Variants in KALRN observed in about 807,000 individuals in gnomAD.
KALRN encodes kalirin.
In KALRN, 70 loss-of-function variants were observed where a neutral mutation model predicts 353.7. The ratio of observed to expected loss-of-function variants is 0.20; its 90% CI spans 0.16 to 0.24. KALRN has a LOEUF of 0.24. KALRN is among the 10% of genes least tolerant of loss of function. The probability of loss-of-function intolerance (pLI) is 1.00; values close to 1 mark genes in which losing one functional copy is unlikely to be tolerated. For missense variants in KALRN, 2,791 were observed against 3,756.7 expected (o/e 0.74, Z 6.72); for synonymous variants, 1,391 against 1,434.8 (o/e 0.97, Z 0.69).
chr3:124,318,780 G>A (rs1217359342), intron 6 of KALRN, among the ~76,000 whole-genome samples: 1 of 152,164 alleles, frequency 6.6e-6, no homozygotes, highest in Non-Finnish European at 1.5e-5. Context: ...AAGAAAAAGG[G>A]AGCAATAAGC....
intron 1 of KALRN, among the ~76,000 whole-genome samples, chr3:124,089,087 G>GA (rs967302012): frequency 2.6e-5 from 4 of 151,056 alleles, no homozygotes; most frequent in South Asian, 2.1e-4. Flanking sequence ...GGACTAAGTA[G>GA]AAAAAAAAAT....
At chr3:124,111,585 G>T (rs1434570447) in intron 1 of KALRN, among the ~76,000 whole-genome samples, 1 of 152,172 alleles carries the variant, frequency 6.6e-6, no homozygotes, top group Non-Finnish European at 1.5e-5. Flanking sequence ...CACAGTCTGT[G>T]CTCAGGATTA....
chr3:124,592,057 C>T (rs7433484), intron 34 of KALRN, among the ~76,000 whole-genome samples: 3 of 152,078 alleles, frequency 2.0e-5, no homozygotes, highest in Admixed American at 6.6e-5. Flanking sequence ...TCCCAGCACT[C>T]TGGGACGCTG....
chr3:124,224,103 A>G (rs9876173), intron 1 of KALRN, among the ~76,000 whole-genome samples: 13,469 of 151,656 alleles, frequency 0.089, 1,455 homozygotes, highest in East Asian at 0.46. Context: ...GAAGAGGCAC[A>G]ACACCCACCA....
chr3:124,389,872 T>G (rs1216553243), intron 11 of KALRN, among the ~76,000 whole-genome samples: 1 of 152,230 alleles, frequency 6.6e-6, no homozygotes, highest in Non-Finnish European at 1.5e-5. Flanking sequence ...TCAATGATAT[T>G]TTAAATTCAT....
At chr3:124,067,978 T>G (rs2042515570) in intron 1 of KALRN, among the ~76,000 whole-genome samples, 1 of 152,252 alleles carries the variant, frequency 6.6e-6, no homozygotes, top group African/African-American at 2.4e-5. Flanking sequence ...ACGCCATAGC[T>G]CAGCTGGTTG....
rs750225681 is a variant in KALRN at position 124,388,135 on chromosome 3, T to C, written c.1962+3099T>C. 4.6e-5 allele frequency among the ~76,000 whole-genome samples: 7 copies of C among 152,250 alleles called. No homozygotes were observed. The South Asian group carries it at 1.5e-3, about 32-fold the overall frequency. ...GGTAGGTCTGATTTCCAGATCTATTTTCTTATGCTTTGTGCCTTTGGGAGA... is the reference window on the plus strand; with the variant it reads ...GGTAGGTCTGATTTCCAGATCTATTCTCTTATGCTTTGTGCCTTTGGGAGA... On this transcript the variant is annotated intron_variant, in intron 11 of 59. Transcript: ENST00000682506.
intron 52 of KALRN, among the ~76,000 whole-genome samples, 165 bp downstream of exon 52, chr3:124,693,996 C>T (rs766568015): frequency 3.3e-5 from 5 of 152,024 alleles, no homozygotes; most frequent in Admixed American, 1.3e-4. Context: ...CTAAAGCTTG[C>T]GATATGTATA....
chr3:124,509,076 T>G (rs1217988114), intron 33 of KALRN, among the ~76,000 whole-genome samples: 1 of 152,228 alleles, frequency 6.6e-6, no homozygotes, highest in Non-Finnish European at 1.5e-5. Context: ...ATGTATGTAA[T>G]ATGTTTCACC....
intron 1 of KALRN, among the ~76,000 whole-genome samples, chr3:124,226,107 A>G (rs1214233238): frequency 2.6e-5 from 4 of 152,240 alleles, no homozygotes; most frequent in Admixed American, 2.6e-4. Flanking sequence ...ATTGTTCACA[A>G]ACAAGTCATG....
intron 33 of KALRN, among the ~76,000 whole-genome samples, chr3:124,546,330 G>C (rs908647444): frequency 6.6e-6 from 1 of 150,954 alleles, no homozygotes; most frequent in Admixed American, 6.6e-5. Flanking sequence ...AGGTATAGTG[G>C]CATGTACCTT....
At chr3:124,677,885 A>G (rs749078740) in intron 49 of KALRN, among the ~76,000 whole-genome samples, 1 of 152,210 alleles carries the variant, frequency 6.6e-6, no homozygotes, top group Non-Finnish European at 1.5e-5. Context: ...CCTGTGAGGC[A>G]TCATGGGTAT....
intron 10 of KALRN, among the ~76,000 whole-genome samples, chr3:124,384,050 C>T (rs1286365199): frequency 1.3e-5 from 2 of 152,156 alleles, no homozygotes; most frequent in African/African-American, 4.8e-5. Flanking sequence ...GCTGTATCTG[C>T]GGCAAATAAT....
rs113163831 is a variant in KALRN, at chr3:124,342,228, C to T, written c.1648-4915C>T. The stretch of plus-strand genomic sequence containing the variant: ...ATAATTTTGTTATATACGTAGATTG[C>T]GTAGTGGTAAAGTCAGAGCTTTTAG... On this transcript the variant is annotated intron_variant, in intron 9 of 59. Transcript: ENST00000682506. 2.3e-3 allele frequency among the ~76,000 whole-genome samples: 350 copies of T among 151,770 alleles called. 1 individual carries two copies. Among genetic ancestry groups the T allele is most frequent in the African/African-American group, 8.2e-3 (340 of 41,314 alleles).
In KALRN at chr3:124,434,419, A is replaced by G; in HGVS notation, c.2942A>G (p.Glu981Gly). 6.2e-7 allele frequency: 1 copy of G among 1,614,200 alleles called. No homozygotes were observed. Among genetic ancestry groups the G allele is most frequent in the Non-Finnish European group, 8.5e-7 (1 of 1,180,026 alleles). The change falls in exon 17 of 60, where the codon GAA (glutamate) becomes GGA (glycine). Residue 981 changes from glutamate (E) to glycine (G), a missense_variant. By Grantham distance (98) the Glu-to-Gly change is moderately conservative. Around this residue, in one of 11 missense-constraint regions of KALRN, gnomAD observed 452 missense variants for 575.8 expected, o/e 0.78. Transcript: ENST00000682506. ...AGHYDADAIR[E>G]CAEKVALHWQ... ...CACTACGATGCCGATGCCATCCGGGAATGTGCTGAGAAGGTGGCCCTCCAC... is the reference window on the plus strand; with the variant it reads ...CACTACGATGCCGATGCCATCCGGGGATGTGCTGAGAAGGTGGCCCTCCAC...
intron 5 of KALRN, among the ~76,000 whole-genome samples, chr3:124,295,682 A>G (rs1303880116): frequency 1.3e-5 from 2 of 152,222 alleles, no homozygotes; most frequent in Non-Finnish European, 2.9e-5. Flanking sequence ...AGCGCTTTTC[A>G]TCACAAGTTC....
At chr3:124,077,895 C>T (rs1237406347) in intron 1 of KALRN, among the ~76,000 whole-genome samples, 1 of 152,210 alleles carries the variant, frequency 6.6e-6, no homozygotes, top group Non-Finnish European at 1.5e-5. Context: ...CACTTATCAA[C>T]TGTGACATCA....
chr3:124,632,029 T>C (rs1161827852), intron 34 of KALRN, among the ~76,000 whole-genome samples: 1 of 152,236 alleles, frequency 6.6e-6, no homozygotes, highest in Non-Finnish European at 1.5e-5. Context: ...CACCCCCTTT[T>C]CCAACCCCAG....
At chr3:124,314,361 G>A (rs1222419618) in intron 6 of KALRN, among the ~76,000 whole-genome samples, 1 of 102,390 alleles carries the variant, frequency 9.8e-6, no homozygotes, top group Non-Finnish European at 1.8e-5. Context: ...GGGGTGGGGG[G>A]AGGGGGGAGG....
Sources: gnomAD v4.1 joint callset for allele counts (sites outside exome capture counted in the v4.1 genomes callset) on GRCh38, gnomAD v4.1.1 for gene constraint, gnomAD v4.1.1 regional missense constraint, MANE v1.5 for transcripts, NCBI Gene and HGNC (gene_info 2026-07-23, HGNC 2026-07-21) for gene names.